The following WDFY1 variants were observed in gnomAD, a reference collection of about 807,000 sequenced individuals.
WDFY1 encodes WD repeat and FYVE domain containing 1, also known as WD repeat and FYVE domain-containing protein 1.
A neutral mutation model predicts 56.4 loss-of-function variants in WDFY1; 32 were observed. The ratio of observed to expected loss-of-function variants is 0.57; its 90% CI spans 0.43 to 0.76. The LOEUF (loss-of-function observed/expected upper bound fraction) is 0.76. Among genes scored for constraint, WDFY1 ranks in the 30% least tolerant of loss-of-function variants. The pLI is 0.00. For missense variants in WDFY1, 480 were observed against 545.7 expected (o/e 0.88, Z 1.20); for synonymous variants, 192 against 197.3 (o/e 0.97, Z 0.23).
chr2:223,884,744 A>C lies in WDFY1; in HGVS notation c.837T>G (p.Pro279=), dbSNP rs770384013. 1 of 1,613,990 alleles carries C rather than the reference A, an allele frequency of 6.2e-7. No individual in the cohort carries two copies. Among genetic ancestry groups the C allele is most frequent in the Non-Finnish European group, 8.5e-7 (1 of 1,179,992 alleles). ...WNMDVSREEA[P]QWLESDSCQK... ...GACAAGAATCACTTTCCAACCACTG[A>C]GGAGCCTGGGGGAGCAGAAAGTCAA... Residue 279 remains proline, a synonymous_variant, in exon 9 of 12, where the codon CCT becomes CCG. Coordinates refer to ENST00000233055, the MANE Select transcript of WDFY1 (RefSeq NM_020830.5).
intron 1 of WDFY1, among the ~76,000 whole-genome samples, chr2:223,936,757 C>T (rs1694174353): frequency 6.6e-6 from 1 of 152,210 alleles, no homozygotes; most frequent in African/African-American, 2.4e-5. Context: ...ATGTTGACCA[C>T]CTACCTTCCT....
At chr2:223,915,563 T>A (rs967442471) in intron 2 of WDFY1, among the ~76,000 whole-genome samples, 2 of 152,210 alleles carry the variant, frequency 1.3e-5, no homozygotes, top group Non-Finnish European at 2.9e-5. Context: ...ATTTCAAGGT[T>A]AAGGACTCAG....
At chr2:223,917,820 C>G (rs983638174) in intron 2 of WDFY1, 123 bp downstream of exon 2, 20 of 1,077,588 alleles carry the variant, frequency 1.9e-5, no homozygotes, top group Non-Finnish European at 2.6e-5. Context: ...GATCTACCCG[C>G]CTTGGCCTCT....
intron 6 of WDFY1, among the ~76,000 whole-genome samples, chr2:223,898,701 G>A (rs777675175): frequency 6.6e-6 from 1 of 152,140 alleles, no homozygotes; most frequent in African/African-American, 2.4e-5. Context: ...CAATGTGCCA[G>A]CCATAACTTA....
At chr2:223,880,310 A>G (rs1349388374) in intron 10 of WDFY1, 78 bp from the exon 11 acceptor site, 2 of 1,326,354 alleles carry the variant, frequency 1.5e-6, no homozygotes, top group Non-Finnish European at 2.2e-6. Context: ...TTAGCAACAT[A>G]AAATAAGCAA....
At chr2:223,926,161 T>A (rs2106097176) in intron 1 of WDFY1, among the ~76,000 whole-genome samples, 1 of 152,316 alleles carries the variant, frequency 6.6e-6, no homozygotes. Context: ...AAAAATTTTC[T>A]TTTGAGACAG....
intron 1 of WDFY1, among the ~76,000 whole-genome samples, chr2:223,930,538 C>G (rs1694057025): frequency 6.6e-6 from 1 of 152,220 alleles, no homozygotes; most frequent in Non-Finnish European, 1.5e-5. Context: ...ACCATGTTGA[C>G]CATACTGGTC....
At chr2:223,901,628 A>ATT (rs149356094) in intron 4 of WDFY1, among the ~76,000 whole-genome samples, 5 of 144,422 alleles carry the variant, frequency 3.5e-5, no homozygotes, top group African/African-American at 5.1e-5. Context: ...TAGAGAACAG[A>ATT]TTTTTTTTTT....
In WDFY1 at chr2:223,895,484, C is replaced by A. The variant is rs554421827; in HGVS notation, c.725+20G>T. On this transcript the variant is annotated intron_variant, in intron 7 of 11. Transcript: ENST00000233055. ...CCACTAACTCGGATTCTTTCCCCACCCCCACAAGTGGTCACGCACTGATGG... is the reference window on the plus strand; with the variant it reads ...CCACTAACTCGGATTCTTTCCCCACACCCACAAGTGGTCACGCACTGATGG... 100 of 1,613,574 alleles carry A rather than the reference C, an allele frequency of 6.2e-5. No individual in the cohort carries two copies. Among genetic ancestry groups the A allele is most frequent in the Non-Finnish European group, 8.1e-5 (95 of 1,179,756 alleles).
intron 1 of WDFY1, among the ~76,000 whole-genome samples, chr2:223,940,211 C>T (rs1357797970): frequency 3.9e-5 from 6 of 152,200 alleles, no homozygotes; most frequent in South Asian, 2.1e-4. Flanking sequence ...CCCAGCTACT[C>T]GGGAGGCTGA....
At chr2:223,913,841 A>C (rs1161501844) in intron 2 of WDFY1, among the ~76,000 whole-genome samples, 3 of 152,128 alleles carry the variant, frequency 2.0e-5, no homozygotes, top group African/African-American at 7.2e-5. Context: ...AAGAAAAAAA[A>C]GGCTTCCTTA....
intron 8 of WDFY1, among the ~76,000 whole-genome samples, chr2:223,885,430 C>A (rs930170071): frequency 6.6e-6 from 1 of 152,132 alleles, no homozygotes; most frequent in Non-Finnish European, 1.5e-5. Flanking sequence ...CTCCTGGCTT[C>A]AAATAATCCT....
intron 8 of WDFY1, among the ~76,000 whole-genome samples, chr2:223,889,581 T>C (rs766034757): frequency 7.2e-5 from 11 of 152,196 alleles, no homozygotes; most frequent in Non-Finnish European, 1.0e-4. Flanking sequence ...TTGCCTTCCA[T>C]GTAAGACATG....
In WDFY1 at chr2:223,941,746, C is replaced by A. The variant is rs576111421; in HGVS notation, c.137+3402G>T. 1.7e-4 allele frequency among the ~76,000 whole-genome samples: 26 copies of A among 152,224 alleles called. No homozygotes were observed. The South Asian group carries it at 2.7e-3, about 16-fold the overall frequency. The stretch of plus-strand genomic sequence containing the variant: ...CTGGCCAAGGTAGTGTGGCTTTTGA[C>A]CCCTGTTGTGTCCTCAGGGCCTGAC... On this transcript the variant is annotated intron_variant, in intron 1 of 11. Coordinates refer to ENST00000233055, the MANE Select transcript of WDFY1 (RefSeq NM_020830.5).
Position 223,945,302 on chromosome 2 carries a change from T to C in WDFY1, c.-18A>G. 1 of 1,558,652 alleles carries C rather than the reference T, an allele frequency of 6.4e-7. No individual in the cohort carries two copies. The highest frequency in any genetic ancestry group is 8.6e-7 in the Non-Finnish European group (1 of 1,160,508). On this transcript the variant is annotated 5_prime_UTR_variant, in exon 1 of 12. Coordinates refer to ENST00000233055, the MANE Select transcript of WDFY1 (RefSeq NM_020830.5). The stretch of plus-strand genomic sequence containing the variant: ...GCCGCCATGTTCGCGCGGCGACTGC[T>C]GCGGCCTCCTCGGCAGGCAGCCCAT...
At chr2:223,886,987 G>A (rs751342329) in intron 8 of WDFY1, among the ~76,000 whole-genome samples, 11 of 152,178 alleles carry the variant, frequency 7.2e-5, no homozygotes, top group Non-Finnish European at 1.3e-4. Flanking sequence ...AGGTGGGGGT[G>A]CAGAAGGCAC....
chr2:223,908,383 G>C (rs926116692), intron 3 of WDFY1, among the ~76,000 whole-genome samples: 3 of 152,116 alleles, frequency 2.0e-5, no homozygotes, highest in Admixed American at 6.6e-5. Context: ...GTTATCAGCA[G>C]CTGTCTTCTA....
chr2:223,915,263 T>G (rs562853), intron 2 of WDFY1, among the ~76,000 whole-genome samples: 152,255 of 152,346 alleles, frequency 1, 76,082 homozygotes, highest in Middle Eastern at 1. Context: ...GACCACCCAC[T>G]GCGAAGCTGT....
intron 1 of WDFY1, among the ~76,000 whole-genome samples, chr2:223,940,097 G>T (rs374426198): frequency 6.6e-6 from 1 of 152,184 alleles, no homozygotes; most frequent in South Asian, 2.1e-4. Context: ...GAGGCGGGTG[G>T]ATCACGAGGT....
Sources: gnomAD v4.1 joint callset for allele counts (sites outside exome capture counted in the v4.1 genomes callset) on GRCh38, gnomAD v4.1.1 for gene constraint, MANE v1.5 for transcripts, NCBI Gene and HGNC (gene_info 2026-07-23, HGNC 2026-07-21) for gene names.